MIR17HG: variants seen among roughly 807,000 people sequenced by gnomAD.
MIR17HG encodes MIR17 host gene (non-protein coding).
chr13:91,352,972 C>CT (rs1875398971), intron 3 of MIR17HG, among the ~76,000 whole-genome samples: 1 of 151,656 alleles, frequency 6.6e-6, no homozygotes, highest in African/African-American at 2.4e-5. Flanking sequence ...TAGCCGGGTG[C>CT]AGTGGCGTGC....
chr13:91,351,553 T>G (rs1162195224), intron 3 of MIR17HG: 2 of 339,136 alleles, frequency 5.9e-6, no homozygotes, highest in Non-Finnish European at 1.2e-5. Flanking sequence ...CTTTTGGGGT[T>G]GCGTGTCAGA....
At chr13:91,350,406 T>A (rs1386585942) in intron 3 of MIR17HG, 6 of 341,244 alleles carry the variant, frequency 1.8e-5, no homozygotes, top group Non-Finnish European at 3.5e-5. Flanking sequence ...CTGTAAAGAA[T>A]TCTTAAGGCA....
chr13:91,348,918 G>A (rs934122047), intron 1 of MIR17HG, among the ~76,000 whole-genome samples: 4 of 149,076 alleles, frequency 2.7e-5, no homozygotes, highest in Non-Finnish European at 6.0e-5. Flanking sequence ...CCTCTGGGCC[G>A]GGCTCGGGGG....
chr13:91,348,812 CG>C (rs1875107495), intron 1 of MIR17HG, among the ~76,000 whole-genome samples: 1 of 149,740 alleles, frequency 6.7e-6, no homozygotes, highest in South Asian at 2.1e-4. Flanking sequence ...GGGGTGAGGG[CG>C]GGGGACATGG....
chr13:91,350,918 G>C (rs1388542964), intron 3 of MIR17HG: 1 of 534,564 alleles, frequency 1.9e-6, no homozygotes, highest in Non-Finnish European at 3.8e-6. Context: ...TTGCATAGTT[G>C]CACTACAAGA....
chr13:91,349,587 A>T (rs979171148), intron 1 of MIR17HG: 4 of 152,206 alleles, frequency 2.6e-5, no homozygotes, highest in African/African-American at 9.6e-5. Flanking sequence ...AAATGGATGG[A>T]ATTAATTGCT....
chr13:91,348,465 C>T (rs951299927), intron 1 of MIR17HG, among the ~76,000 whole-genome samples: 1 of 150,860 alleles, frequency 6.6e-6, no homozygotes, highest in Non-Finnish European at 1.5e-5. Flanking sequence ...GGGGCGCGCC[C>T]ACGAGGTACC....
intron 1 of MIR17HG, among the ~76,000 whole-genome samples, chr13:91,349,038 C>T (rs1347632699): frequency 2.6e-5 from 4 of 151,530 alleles, no homozygotes; most frequent in African/African-American, 9.7e-5. Context: ...GGGGGGGTTG[C>T]CGCGTCCGGC....
exon 4 of MIR17HG, chr13:91,353,942 TCTAA>T (rs1464736716): frequency 6.5e-6 from 1 of 152,700 alleles, no homozygotes; most frequent in Non-Finnish European, 1.5e-5. Flanking sequence ...GGCAGACCTG[TCTAA>T]CTACAAGCCA....
At chr13:91,351,490 T>A (rs1244318090) in intron 3 of MIR17HG, 2 of 397,438 alleles carry the variant, frequency 5.0e-6, no homozygotes, top group Non-Finnish European at 1.1e-5. Flanking sequence ...AAAGAAAATG[T>A]GTAACTTTTT....
chr13:91,349,626 G>C (rs1285241373), intron 1 of MIR17HG: 1 of 152,170 alleles, frequency 6.6e-6, no homozygotes, highest in Admixed American at 6.5e-5. Flanking sequence ...AGCAAATATA[G>C]ATTTGGACGG....
At chr13:91,351,777 TAGAG>T (rs1875326516) in intron 3 of MIR17HG, 2 of 187,740 alleles carry the variant, frequency 1.1e-5, no homozygotes, top group Admixed American at 5.2e-5. Context: ...TATTTAAATT[TAGAG>T]AGAATGCCGC....
chr13:91,351,759 TACTC>T (rs2138693574), intron 3 of MIR17HG: 1 of 190,848 alleles, frequency 5.2e-6, no homozygotes, highest in South Asian at 9.7e-5. Context: ...GCTCATATAT[TACTC>T]AAGTATTTAA....
intron 1 of MIR17HG, among the ~76,000 whole-genome samples, chr13:91,348,288 C>T (rs1875070441): frequency 6.7e-6 from 1 of 150,042 alleles, no homozygotes; most frequent in Non-Finnish European, 1.5e-5. Context: ...AACACAATGG[C>T]CCCTCGGGGA....
chr13:91,351,586 A>G (rs942997750), intron 3 of MIR17HG: 7 of 319,940 alleles, frequency 2.2e-5, no homozygotes, highest in East Asian at 1.5e-4. Flanking sequence ...AATTCTGGCT[A>G]TATTTTTTGT....
At chr13:91,348,510 C>G (rs1875085526) in intron 1 of MIR17HG, among the ~76,000 whole-genome samples, 1 of 151,360 alleles carries the variant, frequency 6.6e-6, no homozygotes, top group Non-Finnish European at 1.5e-5. Flanking sequence ...TGGGCGGGAG[C>G]CCGCGGTTCC....
chr13:91,348,561 G>A (rs546979327), intron 1 of MIR17HG, among the ~76,000 whole-genome samples: 2 of 151,264 alleles, frequency 1.3e-5, no homozygotes, highest in East Asian at 2.0e-4. Flanking sequence ...GGGGCGCCGA[G>A]ATCGGCGCGG....
At chr13:91,350,514 G>T (rs760923362) in intron 3 of MIR17HG, 7 of 522,704 alleles carry the variant, frequency 1.3e-5, no homozygotes, top group Non-Finnish European at 2.7e-5. Flanking sequence ...GTTTATAGTT[G>T]TTAGAGTTTG....
chr13:91,352,991 T>A (rs1234165725), intron 3 of MIR17HG, among the ~76,000 whole-genome samples: 1 of 150,880 alleles, frequency 6.6e-6, no homozygotes, highest in Non-Finnish European at 1.5e-5. Flanking sequence ...GCACCTGTAA[T>A]CCCAGCTACT....
Sources: gnomAD v4.1 joint callset for allele counts (sites outside exome capture counted in the v4.1 genomes callset) on GRCh38, gnomAD v4.1.1 for gene constraint, MANE v1.5 for transcripts, NCBI Gene and HGNC (gene_info 2026-07-23, HGNC 2026-07-21) for gene names.